Variants in KCNH1 observed in about 807,000 individuals in gnomAD.
The protein encoded by KCNH1 is potassium voltage-gated channel subfamily H member 1, also known as voltage-gated delayed rectifier potassium channel KCNH1.
In KCNH1, 27 loss-of-function variants were observed where a neutral mutation model predicts 69.2. The ratio of observed to expected loss-of-function variants is 0.39; its 90% CI spans 0.29 to 0.54. The LOEUF is 0.54. Among genes scored for constraint, KCNH1 ranks in the 20% least tolerant of loss-of-function variants. The pLI, the probability that KCNH1 is intolerant of heterozygous loss-of-function variation, is 0.68. For missense variants in KCNH1, 798 were observed against 1,261.6 expected, an observed-to-expected ratio of 0.63 and a Z score of 5.57; for synonymous variants, 456 against 487.7, an observed-to-expected ratio of 0.93 and a Z score of 0.86.
At chr1:210,953,972 T>C (rs550639858) in intron 6 of KCNH1, among the ~76,000 whole-genome samples, 2 of 152,328 alleles carry the variant, frequency 1.3e-5, no homozygotes, top group South Asian at 2.1e-4. Flanking sequence ...TAGGTATACA[T>C]GTGCCATGTT....
intron 6 of KCNH1, among the ~76,000 whole-genome samples, chr1:210,968,930 C>T (rs973458457): frequency 6.6e-6 from 1 of 152,036 alleles, no homozygotes; most frequent in African/African-American, 2.4e-5. Context: ...GTAGATATTC[C>T]TTATCAAATT....
chr1:211,087,641 A>ACACG (rs1553378398), intron 4 of KCNH1, among the ~76,000 whole-genome samples: 24 of 38,722 alleles, frequency 6.2e-4, no homozygotes, highest in Admixed American at 2.2e-3. Context: ...ACACACACGC[A>ACACG]CACACACACA....
chr1:210,725,530 G>A (rs1682569855), intron 10 of KCNH1, among the ~76,000 whole-genome samples: 1 of 152,162 alleles, frequency 6.6e-6, no homozygotes. Flanking sequence ...TCTCAACTCA[G>A]TCTGGGGGTA....
intron 10 of KCNH1, among the ~76,000 whole-genome samples, chr1:210,694,073 T>G (rs1473789700): frequency 1.3e-5 from 2 of 152,048 alleles, no homozygotes. Flanking sequence ...CTACTTCCAT[T>G]AAAAGCTCCT....
At chr1:210,850,112 G>A (rs1389950390) in intron 7 of KCNH1, among the ~76,000 whole-genome samples, 2 of 152,154 alleles carry the variant, frequency 1.3e-5, no homozygotes, top group Non-Finnish European at 2.9e-5. Context: ...CAGGTCACTT[G>A]CACACTTGCA....
chr1:210,842,955 G>C (rs934904141), intron 7 of KCNH1, among the ~76,000 whole-genome samples: 1 of 152,164 alleles, frequency 6.6e-6, no homozygotes, highest in African/African-American at 2.4e-5. Flanking sequence ...CTGGGAGATG[G>C]ATGCCCCACC....
chr1:210,757,378 C>T (rs920360170), intron 10 of KCNH1, among the ~76,000 whole-genome samples: 1 of 152,148 alleles, frequency 6.6e-6, no homozygotes, highest in East Asian at 1.9e-4. Context: ...TAAATTCCTA[C>T]CCCTCTATCA....
rs141837030 is a variant in KCNH1 at position 211,076,507 on chromosome 1, G to A, written c.558+6273C>T. 1.5e-3 allele frequency among the ~76,000 whole-genome samples: 231 copies of A among 152,354 alleles called. 1 individual carries two copies. Among genetic ancestry groups the A allele is most frequent in the African/African-American group, 5.4e-3 (224 of 41,582 alleles). On this transcript the variant is annotated intron_variant, in intron 5 of 10. Coordinates refer to ENST00000271751, the MANE Select transcript of KCNH1 (RefSeq NM_172362.3). ...TCCAGCAAACTCCAACAGACCTGCA[G>A]CTGAGGGACCTGACTGTTAGAAGGA...
chr1:210,944,066 G>A (rs965736936), intron 6 of KCNH1, among the ~76,000 whole-genome samples: 25 of 152,146 alleles, frequency 1.6e-4, no homozygotes, highest in African/African-American at 5.3e-4. Flanking sequence ...AGCCCCAGAG[G>A]AGGCCACTAA....
At chr1:211,038,817 AC>A (rs1283762743) in intron 5 of KCNH1, among the ~76,000 whole-genome samples, 46 of 152,346 alleles carry the variant, frequency 3.0e-4, no homozygotes, top group African/African-American at 1.1e-3. Context: ...TGACTTGGAT[AC>A]TGTTAAAGGC....
At chr1:210,788,123 G>GT (rs1260865602) in intron 9 of KCNH1, among the ~76,000 whole-genome samples, 5 of 152,182 alleles carry the variant, frequency 3.3e-5, no homozygotes, top group African/African-American at 9.7e-5. Context: ...TGAGAACATT[G>GT]TTTTTTCCCC....
At chr1:210,885,256 A>G (rs1686577017) in intron 7 of KCNH1, among the ~76,000 whole-genome samples, 1 of 152,200 alleles carries the variant, frequency 6.6e-6, no homozygotes, top group African/African-American at 2.4e-5. Context: ...CAGCCCACGG[A>G]GGGTGAGCAG....
At chr1:210,979,594 T>A (rs1289979920) in intron 6 of KCNH1, among the ~76,000 whole-genome samples, 1 of 152,236 alleles carries the variant, frequency 6.6e-6, no homozygotes, top group Non-Finnish European at 1.5e-5. Flanking sequence ...TGTGAATTTA[T>A]TATAGATGTA....
At chr1:211,055,172 G>A (rs1267581470) in intron 5 of KCNH1, among the ~76,000 whole-genome samples, 1 of 152,192 alleles carries the variant, frequency 6.6e-6, no homozygotes, top group Non-Finnish European at 1.5e-5. Context: ...GGGTAGAAAA[G>A]ACAGCTGTAA....
At chr1:210,728,241 G>A (rs1574215545) in intron 10 of KCNH1, among the ~76,000 whole-genome samples, 1 of 152,306 alleles carries the variant, frequency 6.6e-6, no homozygotes. Context: ...TGTGTTTTCA[G>A]AATGTCATTG....
At position 210,977,506 on chromosome 1, in the gene KCNH1, C is replaced by T. The variant is rs149047643; in HGVS notation, c.1032+41277G>A. Among the ~76,000 whole-genome samples, 258 of 151,998 alleles carry T rather than the reference C, an allele frequency of 1.7e-3. 1 individual carries two copies. Among genetic ancestry groups the T allele is most frequent in the African/African-American group, 5.4e-3 (224 of 41,500 alleles). On this transcript the variant is annotated intron_variant, in intron 6 of 10. Coordinates refer to ENST00000271751, the MANE Select transcript of KCNH1 (RefSeq NM_172362.3). ...CCCCCATCACTCCACCCTCAGCTCC[C>T]GGTAACCACCATTCTACTCTCTGCT...
intron 7 of KCNH1, among the ~76,000 whole-genome samples, chr1:210,910,154 A>T (rs1281077520): frequency 1.3e-5 from 2 of 151,430 alleles, no homozygotes; most frequent in Non-Finnish European, 2.9e-5. Context: ...GACACATGGT[A>T]AACAGTCAGA....
At chr1:210,948,071 G>GC (rs1371781533) in intron 6 of KCNH1, among the ~76,000 whole-genome samples, 3 of 150,066 alleles carry the variant, frequency 2.0e-5, no homozygotes, top group African/African-American at 7.4e-5. Flanking sequence ...GAAAAAATTA[G>GC]CCCGAGTGTG....
Position 211,018,479 on chromosome 1 carries a change from C to T in KCNH1, c.1032+304G>A, listed in dbSNP as rs552800863. Among the ~76,000 whole-genome samples, 2 of 152,356 alleles carry T rather than the reference C, an allele frequency of 1.3e-5. 1 individual carries two copies. The highest frequency in any genetic ancestry group is 1.3e-4 in the Admixed American group (2 of 15,308). ...CAGCAACTATATACTCAATAGAAGA[C>T]TTGCCAGTGCAGTGGCCATGCATGC... On this transcript the variant is annotated intron_variant, in intron 6 of 10. Coordinates refer to ENST00000271751, the MANE Select transcript of KCNH1 (RefSeq NM_172362.3).
Sources: allele counts gnomAD v4.1 joint callset (sites outside exome capture counted in the v4.1 genomes callset), GRCh38; gene constraint gnomAD v4.1.1; transcripts MANE v1.5; gene names NCBI Gene and HGNC (gene_info 2026-07-23, HGNC 2026-07-21).